Variants in ANKRD17 observed in about 807,000 individuals in gnomAD.
ANKRD17 encodes the protein ankyrin repeat domain 17.
Under a neutral mutation model 229.7 loss-of-function variants are expected in ANKRD17, and 19 were observed. The observed-to-expected ratio is 0.08, with a 90% CI of 0.06 to 0.12. The LOEUF (loss-of-function observed/expected upper bound fraction) is 0.12. Ranked by LOEUF, ANKRD17 falls within the 10% of genes least tolerant of loss-of-function variation. The probability of loss-of-function intolerance (pLI) is 1.00; values close to 1 mark genes in which losing one functional copy is unlikely to be tolerated. For missense variants in ANKRD17, 2,176 were observed against 3,176.8 expected, an observed-to-expected ratio of 0.68 and a Z score of 7.57; for synonymous variants, 1,112 against 1,146.1, an observed-to-expected ratio of 0.97 and a Z score of 0.60.
intron 1 of ANKRD17, among the ~76,000 whole-genome samples, chr4:73,230,846 C>A (rs1280599999): frequency 2.0e-5 from 3 of 152,138 alleles, no homozygotes; most frequent in Non-Finnish European, 4.4e-5. Flanking sequence ...GTTGTCTCTA[C>A]CCATGGTGGG....
intron 30 of ANKRD17, among the ~76,000 whole-genome samples, chr4:73,084,658 G>A (rs550687437): frequency 5.3e-5 from 8 of 151,908 alleles, no homozygotes; most frequent in African/African-American, 1.4e-4. Flanking sequence ...CATGTTGGCC[G>A]AGCTGGTCTT....
In ANKRD17 at chr4:73,181,213, T is replaced by C. The variant is rs769103054; in HGVS notation, c.394-3680A>G. 3.3e-5 allele frequency among the ~76,000 whole-genome samples: 5 copies of C among 152,216 alleles called. No homozygotes were observed. The East Asian group carries it at 7.7e-4, about 23-fold the overall frequency. ...TAGGTGGTGCAAAATGCTATCTTCA[T>C]TGATTTATTACACACACATTTATTG... On this transcript the variant is annotated intron_variant, in intron 1 of 33. Transcript: ENST00000358602.
chr4:73,089,792 G>T (rs141132414), intron 29 of ANKRD17, among the ~76,000 whole-genome samples: 24 of 152,168 alleles, frequency 1.6e-4, no homozygotes, highest in African/African-American at 4.6e-4. Flanking sequence ...TAGAATTTTG[G>T]ATAATAGAAA....
intron 15 of ANKRD17, 75 bp from the exon 16 acceptor site, chr4:73,135,340 T>C: frequency 1.4e-6 from 2 of 1,406,644 alleles, no homozygotes; most frequent in Non-Finnish European, 9.7e-7. Context: ...CACTCAAAAA[T>C]ATTTAAAGAC....
Position 73,139,540 on chromosome 4 carries a change from T to C in ANKRD17, c.3076A>G (p.Ile1026Val). 1.2e-6 allele frequency: 2 copies of C among 1,611,884 alleles called. No individual in the cohort carries two copies. The highest frequency in any genetic ancestry group is 2.2e-5 in the East Asian group (1 of 44,836). The change falls in exon 15 of 34, where the codon ATC (isoleucine) becomes GTC (valine). Residue 1026 changes from isoleucine to valine, a missense_variant. Coordinates refer to ENST00000358602, the MANE Select transcript of ANKRD17 (RefSeq NM_032217.5). Reference sequence around the variant, plus strand: ...AACAATATAAACCCACCTGCCATGATGTCATCCAGCGTGTCATTGAGGGTC... The same window carrying C: ...AACAATATAAACCCACCTGCCATGACGTCATCCAGCGTGTCATTGAGGGTC... ...AQTLNDTLDD[I>V]MAAVSGRASA... is the part of the protein sequence containing the mutation.
At chr4:73,136,276 T>C (rs946774109) in intron 15 of ANKRD17, among the ~76,000 whole-genome samples, 5 of 152,156 alleles carry the variant, frequency 3.3e-5, no homozygotes, top group African/African-American at 1.2e-4. Context: ...GGATGTGTAT[T>C]ACCAAAGTAG....
chr4:73,210,697 G>C (rs1234294991), intron 1 of ANKRD17, among the ~76,000 whole-genome samples: 1 of 151,856 alleles, frequency 6.6e-6, no homozygotes, highest in African/African-American at 2.4e-5. Context: ...CAATGTGAAG[G>C]GTATATTTTA....
intron 11 of ANKRD17, among the ~76,000 whole-genome samples, chr4:73,144,204 T>C (rs1170616253): frequency 6.6e-6 from 1 of 152,210 alleles, no homozygotes; most frequent in Admixed American, 6.5e-5. Context: ...TTTTATTTTA[T>C]TTGGTCATTA....
chr4:73,178,178 A>AT (rs1486736051), intron 1 of ANKRD17, among the ~76,000 whole-genome samples: 1 of 152,164 alleles, frequency 6.6e-6, no homozygotes, highest in African/African-American at 2.4e-5. Context: ...CACTTCAAAC[A>AT]TTTTTAGAGG....
intron 29 of ANKRD17, among the ~76,000 whole-genome samples, chr4:73,086,912 AAAAAAAAATATATATATATAT>A (rs1487668124): frequency 2.0e-5 from 1 of 50,980 alleles, no homozygotes; most frequent in African/African-American, 7.5e-5. Context: ...AAAAAAAAAA[AAAAAAAAATATATATATATAT>A]ATATATATAT....
intron 1 of ANKRD17, among the ~76,000 whole-genome samples, chr4:73,225,665 TCTGA>T (rs1049916330): frequency 4.0e-5 from 6 of 150,196 alleles, no homozygotes; most frequent in Non-Finnish European, 8.9e-5. Flanking sequence ...TCGAGAAGAG[TCTGA>T]CTAACATGGT....
intron 29 of ANKRD17, 53 bp from the exon 30 acceptor site, chr4:73,085,499 G>C (rs1722025642): frequency 6.8e-7 from 1 of 1,460,436 alleles, no homozygotes; most frequent in East Asian, 2.3e-5. Flanking sequence ...GCAAGAAATA[G>C]AGATACCTTA....
chr4:73,204,818 A>G (rs1242943768), intron 1 of ANKRD17, among the ~76,000 whole-genome samples: 1 of 152,198 alleles, frequency 6.6e-6, no homozygotes, highest in East Asian at 1.9e-4. Context: ...ATTAGCTAAC[A>G]CATATATATT....
chr4:73,173,927 A>G (rs544663775), intron 2 of ANKRD17, among the ~76,000 whole-genome samples: 11 of 152,116 alleles, frequency 7.2e-5, no homozygotes, highest in Admixed American at 4.6e-4. Context: ...ACTGAATTTC[A>G]TAATAATTTC....
Position 73,207,856 on chromosome 4 carries a change from T to C in ANKRD17, c.394-30323A>G, listed in dbSNP as rs78303253. Among the ~76,000 whole-genome samples, 1,030 of 152,256 alleles carry C rather than the reference T, an allele frequency of 6.8e-3. 11 individuals carry two copies. Among genetic ancestry groups the C allele is most frequent in the African/African-American group, 0.024 (999 of 41,536 alleles). ...AGATTTCAACATTCCTCTCTCAGAT[T>C]TGGCAAAACAAGTAGACAGAAAAAT... On this transcript the variant is annotated intron_variant, in intron 1 of 33. Transcript: ENST00000358602.
In ANKRD17 at chr4:73,102,425, C is replaced by G; in HGVS notation, c.4524G>C (p.Glu1508Asp). 1 of 1,604,734 alleles carries G rather than the reference C, an allele frequency of 6.2e-7. No individual in the cohort carries two copies. The highest frequency in any genetic ancestry group is 8.5e-7 in the Non-Finnish European group (1 of 1,178,090). The change falls in exon 25 of 34, where the codon GAG becomes GAC. Residue 1508 changes from glutamate (E) to aspartate (D), a missense_variant. Glu to Asp is a conservative substitution (Grantham distance 45). Around this residue, in one of 18 missense-constraint regions of ANKRD17, gnomAD observed 105 missense variants for 118.3 expected, o/e 0.89. Coordinates refer to ENST00000358602, the MANE Select transcript of ANKRD17 (RefSeq NM_032217.5). The stretch of plus-strand genomic sequence containing the variant: ...CTTGAGCAGCTTGGAGTTCAAAGTT[C>G]TCTTTATTTTTGGCTTCAATTTCTT... ...KLEEIEAKNK[E>D]NFELQAAQEK...
chr4:73,203,903 A>T (rs1739055939), intron 1 of ANKRD17, among the ~76,000 whole-genome samples: 1 of 152,148 alleles, frequency 6.6e-6, no homozygotes, highest in Non-Finnish European at 1.5e-5. Flanking sequence ...CATCACAATG[A>T]AACTACTAAA....
At chr4:73,185,977 T>A (rs2149039176) in intron 1 of ANKRD17, among the ~76,000 whole-genome samples, 1 of 152,140 alleles carries the variant, frequency 6.6e-6, no homozygotes, top group East Asian at 1.9e-4. Context: ...TAAGAAATTA[T>A]AATAATTTCT....
intron 1 of ANKRD17, among the ~76,000 whole-genome samples, chr4:73,229,601 ATTAT>A (rs1392628586): frequency 6.6e-6 from 1 of 151,404 alleles, no homozygotes; most frequent in African/African-American, 2.4e-5. Flanking sequence ...ACTTCAATTG[ATTAT>A]TTAAAAAAAA....
Sources: allele counts gnomAD v4.1 joint callset (sites outside exome capture counted in the v4.1 genomes callset), GRCh38; gene constraint gnomAD v4.1.1; regional missense constraint gnomAD v4.1.1; transcripts MANE v1.5; gene names NCBI Gene and HGNC (gene_info 2026-07-23, HGNC 2026-07-21).